HYDIN: variants seen among roughly 807,000 people sequenced by gnomAD.
The protein encoded by HYDIN is axonemal central pair apparatus protein HYDIN.
A neutral mutation model predicts 403.9 loss-of-function variants in HYDIN; 132 were observed. The observed-to-expected ratio is 0.33, with a 90% CI of 0.28 to 0.38. The LOEUF (loss-of-function observed/expected upper bound fraction) is 0.38, where lower values mean the gene tolerates loss of function less well. HYDIN is among the 10% of genes least tolerant of loss of function. The probability of loss-of-function intolerance (pLI) is 1.00; values close to 1 mark genes in which losing one functional copy is unlikely to be tolerated. For missense variants in HYDIN, 2,827 were observed against 5,009.5 expected (o/e 0.56, Z 13.15); for synonymous variants, 1,202 against 1,891.7 (o/e 0.64, Z 9.46).
At chr16:71,059,443 T>TAAAAG (rs1483684759) in intron 18 of HYDIN, among the ~76,000 whole-genome samples, 1 of 152,220 alleles carries the variant, frequency 6.6e-6, no homozygotes, top group Non-Finnish European at 1.5e-5. Flanking sequence ...ATAAGATGGT[T>TAAAAG]GTAAGCTGTG....
intron 18 of HYDIN, among the ~76,000 whole-genome samples, chr16:71,060,291 C>T (rs1227543425): frequency 2.6e-5 from 4 of 152,284 alleles, no homozygotes; most frequent in Non-Finnish European, 5.9e-5. Context: ...TGAGCTAAGG[C>T]ATCCCTTAAT....
chr16:70,882,059 T>C (rs370199234), intron 60 of HYDIN, among the ~76,000 whole-genome samples: 2 of 152,372 alleles, frequency 1.3e-5, no homozygotes, highest in African/African-American at 4.8e-5. Flanking sequence ...TCATCTTGTA[T>C]GTGGATGAAG....
At chr16:71,188,440 G>GTT (rs2087261463) in intron 1 of HYDIN, among the ~76,000 whole-genome samples, 1 of 152,170 alleles carries the variant, frequency 6.6e-6, no homozygotes, top group African/African-American at 2.4e-5. Flanking sequence ...CAGCTGGGTA[G>GTT]TGACAACAAC....
intron 10 of HYDIN, among the ~76,000 whole-genome samples, chr16:71,106,170 T>C (rs1013165881): frequency 9.3e-5 from 10 of 107,702 alleles, no homozygotes; most frequent in East Asian, 2.8e-4. Flanking sequence ...CCTCCCTCCC[T>C]CTCTCTCTCT....
chr16:70,918,022 AG>A (rs1170433055), intron 47 of HYDIN, among the ~76,000 whole-genome samples, 188 bp downstream of exon 47: 1 of 150,752 alleles, frequency 6.6e-6, no homozygotes, highest in East Asian at 1.9e-4. Flanking sequence ...AGTCAGAGCC[AG>A]GGAAGGTGCA....
intron 3 of HYDIN, among the ~76,000 whole-genome samples, chr16:71,182,929 G>C (rs2086967570): frequency 6.6e-6 from 1 of 152,070 alleles, no homozygotes; most frequent in East Asian, 1.9e-4. Context: ...AAAATCAAAT[G>C]AGTATGCCAT....
chr16:70,845,730 G>A lies in HYDIN; in HGVS notation c.12873+3996C>T, dbSNP rs540148015. 8.0e-5 allele frequency among the ~76,000 whole-genome samples: 11 copies of A among 138,094 alleles called. No individual in the cohort carries two copies. The South Asian group carries it at 2.4e-3, about 30-fold the overall frequency. 90.6% of individuals were successfully genotyped at this position (138,094 alleles called of 152,430 possible). On this transcript the variant is annotated intron_variant, in intron 75 of 85. Transcript: ENST00000393567. Reference sequence around the variant, plus strand: ...GCCACAATTTCAGCTCCTGTTATTGGTCTATTCAGAGATTCAACTTATTCC... The same window carrying A: ...GCCACAATTTCAGCTCCTGTTATTGATCTATTCAGAGATTCAACTTATTCC...
intron 29 of HYDIN, among the ~76,000 whole-genome samples, chr16:70,980,757 C>T (rs2079022380): frequency 1.3e-5 from 2 of 151,912 alleles, no homozygotes; most frequent in Non-Finnish European, 2.9e-5. Context: ...CCTGATCCAT[C>T]GTCCTGTACC....
At chr16:70,892,932 GC>G (rs1404157111) in intron 55 of HYDIN, among the ~76,000 whole-genome samples, 1 of 152,198 alleles carries the variant, frequency 6.6e-6, no homozygotes, top group Admixed American at 6.5e-5. Context: ...CAGGGAGGGG[GC>G]AGGGGTCCTG....
chr16:71,223,100 A>T (rs1444866096), intron 1 of HYDIN, among the ~76,000 whole-genome samples: 1 of 152,272 alleles, frequency 6.6e-6, no homozygotes, highest in African/African-American at 2.4e-5. Context: ...TTACCAAAAC[A>T]GCATGGTACT....
At chr16:71,073,593 C>T (rs1035043485) in intron 13 of HYDIN, among the ~76,000 whole-genome samples, 14 of 152,128 alleles carry the variant, frequency 9.2e-5, no homozygotes. Context: ...TTTGCAATAA[C>T]TTCTCTGTCC....
chr16:70,995,927 C>T (rs1960211869), intron 23 of HYDIN, among the ~76,000 whole-genome samples: 1 of 150,554 alleles, frequency 6.6e-6, no homozygotes, highest in Admixed American at 6.6e-5. Flanking sequence ...AGGGTGATGC[C>T]CCCAGGTGCT....
intron 3 of HYDIN, among the ~76,000 whole-genome samples, chr16:71,181,560 A>C (rs922121995): frequency 2.1e-4 from 32 of 152,094 alleles, no homozygotes; most frequent in African/African-American, 7.2e-4. Flanking sequence ...TACAGTATAT[A>C]CTCTTTAATT....
chr16:70,981,461 T>C lies in HYDIN; in HGVS notation c.4440A>G (p.Pro1480=). 1 of 1,613,940 alleles carries C rather than the reference T, an allele frequency of 6.2e-7. No homozygotes were observed. Among genetic ancestry groups the C allele is most frequent in the South Asian group, 1.1e-5 (1 of 91,058 alleles). ...CCTCTCCGCTCAGAGTGATATTTTC[T>C]GGGTCCAGGTGGGCGATCTGTATCT... is the stretch of plus-strand genomic sequence containing the variant. ...SFQIQIAHLD[P]ENITLSGEGI... is the part of the protein sequence containing the mutation. Residue 1480 remains proline (P), a synonymous_variant, in exon 29 of 86, where the codon CCA becomes CCG. Coordinates refer to ENST00000393567, the MANE Select transcript of HYDIN (RefSeq NM_001270974.2).
At chr16:71,074,707 C>CAAAAAAAAAAAAAA (rs59315287) in intron 13 of HYDIN, among the ~76,000 whole-genome samples, 4 of 86,186 alleles carry the variant, frequency 4.6e-5, no homozygotes, top group African/African-American at 1.3e-4. Context: ...CAAAAAACAC[C>CAAAAAAAAAAAAAA]AAAAAAAAAA....
At chr16:70,871,525 C>T (rs2040100782) in intron 65 of HYDIN, among the ~76,000 whole-genome samples, 1 of 152,110 alleles carries the variant, frequency 6.6e-6, no homozygotes, top group Admixed American at 6.5e-5. Context: ...TGTGGAGATG[C>T]TAAAAGAAGA....
chr16:70,838,174 C>T (rs1158267768), intron 76 of HYDIN, among the ~76,000 whole-genome samples: 1 of 151,734 alleles, frequency 6.6e-6, no homozygotes, highest in Non-Finnish European at 1.5e-5. Context: ...TCTACCGATT[C>T]TGTATTTCTT....
At chr16:70,837,173 C>T (rs938750412) in intron 77 of HYDIN, among the ~76,000 whole-genome samples, 4 of 152,128 alleles carry the variant, frequency 2.6e-5, no homozygotes, top group Non-Finnish European at 4.4e-5. Context: ...TCCAGAGTGC[C>T]TCAGTAAAAG....
At chr16:71,225,753 T>A (rs1204429670) in intron 1 of HYDIN, among the ~76,000 whole-genome samples, 1 of 152,042 alleles carries the variant, frequency 6.6e-6, no homozygotes, top group African/African-American at 2.4e-5. Context: ...AGGTTTAACA[T>A]TTGATTGGGT....
Sources: allele counts gnomAD v4.1 joint callset (sites outside exome capture counted in the v4.1 genomes callset), GRCh38; gene constraint gnomAD v4.1.1; transcripts MANE v1.5; gene names NCBI Gene and HGNC (gene_info 2026-07-23, HGNC 2026-07-21).